The following PUDP variants were observed in gnomAD, a reference collection of about 807,000 sequenced individuals.
The protein encoded by PUDP is pseudouridine-5'-phosphatase.
Under a neutral mutation model 9.4 loss-of-function variants are expected in PUDP, and 8 were observed. That is an observed-to-expected ratio of 0.85 (90% CI 0.50 to 1.53). The LOEUF (loss-of-function observed/expected upper bound fraction) is 1.53. Ranked by LOEUF, PUDP falls within the 40% of genes most tolerant of loss-of-function variation. PUDP has a pLI of 0.00. For missense variants in PUDP, 188 were observed against 189.7 expected, an observed-to-expected ratio of 0.99 and a Z score of 0.05; for synonymous variants, 99 against 80.7, an observed-to-expected ratio of 1.23 and a Z score of -1.22.
At chrX:6,868,526 C>T (rs1022949315) in intron 3 of PUDP, among the ~76,000 whole-genome samples, 4 of 112,313 alleles carry the variant, frequency 3.6e-5, no homozygotes, top group East Asian at 2.8e-4. Context: ...TTTTCCATCA[C>T]ATCACATAAA....
At chrX:6,887,748 A>G (rs751732504) in intron 3 of PUDP, among the ~76,000 whole-genome samples, 1 of 112,084 alleles carries the variant, frequency 8.9e-6, no homozygotes, top group African/African-American at 3.2e-5. Flanking sequence ...TTTGAAATCC[A>G]CATCTTCACC....
chrX:6,912,865 T>C (rs1005590642), intron 3 of PUDP, among the ~76,000 whole-genome samples: 1 of 112,435 alleles, frequency 8.9e-6, no homozygotes, highest in Admixed American at 9.4e-5. Context: ...TCCACAGTTT[T>C]ATATACATCA....
intron 3 of PUDP, among the ~76,000 whole-genome samples, chrX:6,869,362 C>T (rs1046285546): frequency 8.9e-6 from 1 of 112,027 alleles, no homozygotes; most frequent in Non-Finnish European, 1.9e-5. Context: ...ATGGGAGTGA[C>T]CTGAAAAACT....
At chrX:6,943,611 T>C (rs760072476) in intron 3 of PUDP, among the ~76,000 whole-genome samples, 1 of 112,123 alleles carries the variant, frequency 8.9e-6, no homozygotes, top group Admixed American at 9.5e-5. Flanking sequence ...TAGGCAGATA[T>C]ATTGGGAATA....
intron 3 of PUDP, among the ~76,000 whole-genome samples, chrX:7,074,678 G>A (rs1930841506): frequency 8.9e-6 from 1 of 112,313 alleles, no homozygotes; most frequent in Non-Finnish European, 1.9e-5. Flanking sequence ...TGGTGTTTCT[G>A]GGAAGAAGGC....
chrX:7,082,555 T>C (rs780450457), intron 2 of PUDP, among the ~76,000 whole-genome samples: 1 of 112,332 alleles, frequency 8.9e-6, no homozygotes, highest in East Asian at 2.8e-4. Flanking sequence ...AACCATGTCC[T>C]GGGCCTCAGT....
chrX:6,954,893 C>A (rs1162096768), intron 3 of PUDP, among the ~76,000 whole-genome samples: 1 of 112,051 alleles, frequency 8.9e-6, no homozygotes, highest in Non-Finnish European at 1.9e-5. Flanking sequence ...CTCTATCACA[C>A]GGGTATTGAT....
intron 3 of PUDP, among the ~76,000 whole-genome samples, chrX:6,937,163 C>T (rs374321924): frequency 0.095 from 7,323 of 76,789 alleles, 269 homozygotes; most frequent in Admixed American, 0.14. Flanking sequence ...AAAAAGAGCC[C>T]GCATCGCCAA....
chrX:7,033,198 G>A (rs1439088218), intron 1 of PUDP, among the ~76,000 whole-genome samples: 1 of 111,567 alleles, frequency 9.0e-6, no homozygotes, highest in Non-Finnish European at 1.9e-5. Context: ...CAGACTGAAG[G>A]CTGCACTGTT....
At chrX:7,008,611 T>G (rs1394837743) in intron 1 of PUDP, among the ~76,000 whole-genome samples, 1 of 111,826 alleles carries the variant, frequency 8.9e-6, no homozygotes. Flanking sequence ...GCTAATTCTG[T>G]GCCCAGAGTA....
chrX:7,142,483 T>C (rs781219407), intron 1 of PUDP, among the ~76,000 whole-genome samples: 7 of 111,677 alleles, frequency 6.3e-5, no homozygotes, highest in Non-Finnish European at 1.3e-4. Context: ...GAATAGACAC[T>C]GCTTCTTAGG....
chrX:7,129,593 A>C (rs1411775635), intron 1 of PUDP, among the ~76,000 whole-genome samples: 3 of 112,173 alleles, frequency 2.7e-5, no homozygotes, highest in African/African-American at 9.7e-5. Flanking sequence ...ACCTGAGGGG[A>C]TATTCCCTGA....
At chrX:6,924,870 C>T (rs991139754) in intron 3 of PUDP, among the ~76,000 whole-genome samples, 1 of 112,503 alleles carries the variant, frequency 8.9e-6, no homozygotes, top group Admixed American at 9.4e-5. Context: ...GGGCATTATA[C>T]TCATTTGGCC....
At chrX:6,809,071 A>G (rs1926098537) in intron 3 of PUDP, among the ~76,000 whole-genome samples, 1 of 111,444 alleles carries the variant, frequency 9.0e-6, no homozygotes, top group South Asian at 3.8e-4. Context: ...ATGATCCCAT[A>G]GCATGTGGCC....
chrX:7,124,675 G>A (rs947451245), intron 1 of PUDP, among the ~76,000 whole-genome samples: 12 of 111,452 alleles, frequency 1.1e-4, no homozygotes, highest in South Asian at 3.8e-4. Context: ...TGCCAAGTGC[G>A]GTGGCTCACG....
chrX:6,928,963 C>T (rs141389280), intron 3 of PUDP, among the ~76,000 whole-genome samples: 1,757 of 111,893 alleles, frequency 0.016, 38 homozygotes, highest in African/African-American at 0.054. Flanking sequence ...CTCTGGAACA[C>T]TCTGACGTAT....
At chrX:6,981,386 T>G (rs1197651475) in intron 1 of PUDP, among the ~76,000 whole-genome samples, 1 of 111,869 alleles carries the variant, frequency 8.9e-6, no homozygotes, top group Non-Finnish European at 1.9e-5. Context: ...AATAAAACTT[T>G]CTCTATATAC....
intron 1 of PUDP, among the ~76,000 whole-genome samples, chrX:7,119,842 T>C (rs1399843923): frequency 2.7e-5 from 3 of 112,053 alleles, no homozygotes; most frequent in Admixed American, 9.4e-5. Context: ...TGGGGAAAAA[T>C]ATTGATCCCT....
At chrX:6,877,887 T>C (rs1165456978) in intron 3 of PUDP, among the ~76,000 whole-genome samples, 1 of 111,729 alleles carries the variant, frequency 9.0e-6, no homozygotes. Flanking sequence ...GTCGCTACTG[T>C]AGAGAAGCTG....
Sources: gnomAD v4.1 joint callset for allele counts (sites outside exome capture counted in the v4.1 genomes callset) on GRCh38, gnomAD v4.1.1 for gene constraint, MANE v1.5 for transcripts, NCBI Gene and HGNC (gene_info 2026-07-23, HGNC 2026-07-21) for gene names.